Variants in PPP2R5D observed in about 807,000 individuals in gnomAD.
The protein encoded by PPP2R5D is serine/threonine-protein phosphatase 2A 56 kDa regulatory subunit delta isoform.
A neutral mutation model predicts 79.1 loss-of-function variants in PPP2R5D; 12 were observed. The ratio of observed to expected loss-of-function variants is 0.15; its 90% CI spans 0.10 to 0.25. The LOEUF (loss-of-function observed/expected upper bound fraction) is 0.25. Ranked by LOEUF, PPP2R5D falls within the 10% of genes least tolerant of loss-of-function variation. The probability of loss-of-function intolerance (pLI) is 1.00; values close to 1 mark genes in which losing one functional copy is unlikely to be tolerated. For synonymous variants in PPP2R5D, 277 were observed against 286.6 expected (o/e 0.97, Z 0.34); for missense variants, 419 against 760.2 (o/e 0.55, Z 5.28).
chr6:42,998,059 T>TATATA (rs1771917349), intron 2 of PPP2R5D, among the ~76,000 whole-genome samples: 1 of 15,654 alleles, frequency 6.4e-5, no homozygotes, highest in Admixed American at 9.4e-4. Context: ...ATATATATAT[T>TATATA]TTTTTTTTTT....
At position 42,998,015 on chromosome 6, in the gene PPP2R5D, TTATATATATATATATATATATATATA is replaced by T. The variant is rs1561843629; in HGVS notation, c.105+8345_105+8370del. Reference sequence around the variant, plus strand: ...TTATATTTGAATATTTGGGTTTTATTTATATATATATATATATATATATATATATATATATATATATATTTTTTTTT... The same window carrying T: ...TTATATTTGAATATTTGGGTTTTATTTATATATATATATATATTTTTTTTT... On this transcript the variant is annotated intron_variant, in intron 2 of 15. Transcript: ENST00000485511. Among the ~76,000 whole-genome samples the T allele has an allele frequency of 4.9e-3, 159 of 32,354 alleles. 4 individuals carry two copies. The highest frequency in any genetic ancestry group is 0.037 in the South Asian group (29 of 788). The allele number at this position is 32,354 out of a possible 152,430, so 21.2% of individuals were successfully genotyped here.
intron 2 of PPP2R5D, among the ~76,000 whole-genome samples, chr6:43,005,445 A>G (rs1351166618): frequency 6.6e-6 from 1 of 152,050 alleles, no homozygotes; most frequent in Non-Finnish European, 1.5e-5. Context: ...CTGGAACTGC[A>G]GGCATGTGCC....
chr6:42,990,814 A>G (rs922324862), intron 2 of PPP2R5D, among the ~76,000 whole-genome samples: 2 of 144,540 alleles, frequency 1.4e-5, no homozygotes, highest in Non-Finnish European at 3.0e-5. Context: ...GGTTCAAGCA[A>G]TTCTCCTGCC....
intron 2 of PPP2R5D, among the ~76,000 whole-genome samples, chr6:43,001,180 G>T (rs1772172107): frequency 1.3e-5 from 2 of 152,164 alleles, no homozygotes; most frequent in African/African-American, 4.8e-5. Context: ...TTGAGACAGA[G>T]TTTCACTCTT....
rs138162759 is a variant in PPP2R5D at position 43,011,208 on chromosome 6, G to A, written c.1731G>A (p.Gln577=). The change falls in exon 16 of 16, where the codon CAG becomes CAA. Residue 577 remains glutamine, a synonymous_variant. Coordinates refer to ENST00000485511, the MANE Select transcript of PPP2R5D (RefSeq NM_006245.4). ...TGCGGAGGAAGTCGGAGCTGCCCCAGGACGTGTACACCATCAAGGCACTGG... is the reference window on the plus strand; with the variant it reads ...TGCGGAGGAAGTCGGAGCTGCCCCAAGACGTGTACACCATCAAGGCACTGG... ...VLLRRKSELP[Q]DVYTIKALEA... The A allele has an allele frequency of 1.2e-6, 2 of 1,614,148 alleles. No individual in the cohort carries two copies. The highest frequency in any genetic ancestry group is 2.7e-5 in the African/African-American group (2 of 75,024).
chr6:43,004,893 G>A (rs1451178898), intron 2 of PPP2R5D, among the ~76,000 whole-genome samples: 1 of 151,530 alleles, frequency 6.6e-6, no homozygotes, highest in African/African-American at 2.4e-5. Flanking sequence ...GGGATTACAG[G>A]CACCCGCCAC....
chr6:42,984,618 C>A lies in PPP2R5D; in HGVS notation c.-60C>A, dbSNP rs1581787335. ...AGACGCCGAGCGGGCCGAGTGCGGC[C>A]GAGCAAAGCCGGAGCCGGAGCGGGG... On this transcript the variant is annotated 5_prime_UTR_variant, in exon 1 of 16. Transcript: ENST00000485511. The A allele has an allele frequency of 2.6e-6, 4 of 1,554,076 alleles. No homozygotes were observed. The African/African-American group carries it at 4.2e-5, about 16-fold the overall frequency.
Position 43,010,732 on chromosome 6 carries a change from C to T in PPP2R5D, c.1550C>T (p.Pro517Leu). 6.2e-7 allele frequency: 1 copy of T among 1,613,866 alleles called. No homozygotes were observed. The highest frequency in any genetic ancestry group is 8.5e-7 in the Non-Finnish European group (1 of 1,179,856). Residue 517 changes from proline to leucine, a missense_variant, in exon 14 of 16, where the codon CCC becomes CTC. By Grantham distance (98) the Pro-to-Leu change is moderately conservative. Coordinates refer to ENST00000485511, the MANE Select transcript of PPP2R5D (RefSeq NM_006245.4). This position sits in a 1 kb window ranked among gnomAD's most constrained non-coding sequence, Gnocchi z 4.7. ...QKIEELARLN[P>L]QYPMFRAPPP... ...ATCGAGGAGCTGGCCCGGCTTAATC[C>T]CCAGGTGAGGTTTTCCTGCCACTGT...
rs369707170 is a variant in PPP2R5D, at chr6:42,996,059, T to G, written c.105+6371T>G. Among the ~76,000 whole-genome samples the G allele has an allele frequency of 3.0e-4, 42 of 142,004 alleles. No individual in the cohort carries two copies. In the East Asian group the frequency reaches 5.3e-3, roughly 18 times the overall value. 93.2% of individuals were successfully genotyped at this position (142,004 alleles called of 152,430 possible). The stretch of plus-strand genomic sequence containing the variant: ...CGAGGTTTCACCATGTTGGCCAGGA[T>G]GGTCTCGATCACTTGACCTCGTGAT... On this transcript the variant is annotated intron_variant, in intron 2 of 15. Transcript: ENST00000485511.
chr6:42,986,867 G>T (rs1468902645), intron 1 of PPP2R5D, among the ~76,000 whole-genome samples: 1 of 151,728 alleles, frequency 6.6e-6, no homozygotes, highest in Non-Finnish European at 1.5e-5. Context: ...AAGTAACGGG[G>T]TGCATGGAGC....
chr6:43,008,162 C>T lies in PPP2R5D; in HGVS notation c.858-39C>T, dbSNP rs899422223. 1 of 1,613,480 alleles carries T rather than the reference C, an allele frequency of 6.2e-7. No individual in the cohort carries two copies. Among genetic ancestry groups the T allele is most frequent in the Middle Eastern group, 1.7e-4 (1 of 6,060 alleles). Reference sequence around the variant, plus strand: ...GGGACTGTACAGAATGCTGGAGGGACATCAGGGGTTGTCAAGAGAGCCATT... The same window carrying T: ...GGGACTGTACAGAATGCTGGAGGGATATCAGGGGTTGTCAAGAGAGCCATT... On this transcript the variant is annotated intron_variant, in intron 7 of 15. Transcript: ENST00000485511. This position sits in a 1 kb window ranked among gnomAD's most constrained non-coding sequence, Gnocchi z 4.2.
chr6:43,006,875 C>G lies in PPP2R5D; in HGVS notation c.323-36C>G. The G allele has an allele frequency of 1.9e-6, 3 of 1,611,888 alleles. No homozygotes were observed. The highest frequency in any genetic ancestry group is 1.1e-5 in the South Asian group (1 of 91,004). ...GCAAGCAGGGCATCGCAGTGAAGGA[C>G]TACAGAGGAGAACCTGACTGCTGGG... On this transcript the variant is annotated intron_variant, in intron 3 of 15. Transcript: ENST00000485511. This position sits in a 1 kb window ranked among gnomAD's most constrained non-coding sequence, Gnocchi z 4.7.
Position 43,009,513 on chromosome 6 carries a change from G to C in PPP2R5D, c.1379+64G>C, listed in dbSNP as rs1314326933. On this transcript the variant is annotated intron_variant, in intron 12 of 15. Transcript: ENST00000485511. The surrounding 1 kb of genome is among the most constrained non-coding windows in gnomAD (Gnocchi z 5.6). The stretch of plus-strand genomic sequence containing the variant: ...TTTGGGAAACTTTGAGGGTATGGAA[G>C]AACTAAAGAGCCAGGGGTCTCACCT... 1 of 1,603,294 alleles carries C rather than the reference G, an allele frequency of 6.2e-7. No individual in the cohort carries two copies. The highest frequency in any genetic ancestry group is 1.1e-5 in the South Asian group (1 of 90,636).
At chr6:43,003,596 G>T (rs983951475) in intron 2 of PPP2R5D, among the ~76,000 whole-genome samples, 1 of 152,112 alleles carries the variant, frequency 6.6e-6, no homozygotes, top group African/African-American at 2.4e-5. Context: ...ACAGGAGATA[G>T]TCATTAACAC....
At chr6:42,994,286 G>C (rs1384264950) in intron 2 of PPP2R5D, among the ~76,000 whole-genome samples, 1 of 152,164 alleles carries the variant, frequency 6.6e-6, no homozygotes, top group Non-Finnish European at 1.5e-5. Flanking sequence ...CAAGACTCTT[G>C]TCTCAAAAGG....
rs775817119 is a variant in PPP2R5D at position 43,009,016 on chromosome 6, G to T, written c.1081-41G>T. The T allele has an allele frequency of 6.2e-7, 1 of 1,600,402 alleles. No individual in the cohort carries two copies. Among genetic ancestry groups the T allele is most frequent in the South Asian group, 1.1e-5 (1 of 89,334 alleles). On this transcript the variant is annotated intron_variant, in intron 10 of 15. Coordinates refer to ENST00000485511, the MANE Select transcript of PPP2R5D (RefSeq NM_006245.4). The surrounding 1 kb of genome is among the most constrained non-coding windows in gnomAD (Gnocchi z 5.6). The stretch of plus-strand genomic sequence containing the variant: ...GAAAACTTCCTGGTGACCTAGGCAG[G>T]TGCAAAGAATTTTCATCCCCATGCC...
At chr6:42,995,987 GAGTAGCT>G (rs1771643929) in intron 2 of PPP2R5D, among the ~76,000 whole-genome samples, 1 of 142,998 alleles carries the variant, frequency 7.0e-6, no homozygotes, top group Non-Finnish European at 1.5e-5. Context: ...TCAGCCTCCC[GAGTAGCT>G]GGGACTTTCT....
Position 43,011,163 on chromosome 6 carries a change from C to G in PPP2R5D, c.1686C>G (p.Ile562Met), listed in dbSNP as rs1383973767. 6 of 1,614,020 alleles carry G rather than the reference C, an allele frequency of 3.7e-6. No homozygotes were observed. The highest frequency in any genetic ancestry group is 5.1e-6 in the Non-Finnish European group (6 of 1,180,016). Reference protein sequence around the residue: ...ETEAVQMLKDIKKEKVLLRRK... With the variant: ...ETEAVQMLKDMKKEKVLLRRK... ...TTCACACACAGATGCTAAAAGACAT[C>G]AAGAAGGAGAAAGTGCTGCTGCGGA... Residue 562 changes from isoleucine to methionine, a missense_variant, in exon 16 of 16, where the codon ATC (isoleucine) becomes ATG (methionine). This residue lies in a region of PPP2R5D where 84 missense variants were observed against 105.4 expected (regional missense o/e 0.80). Transcript: ENST00000485511.
Position 42,988,456 on chromosome 6 carries a change from A to G in PPP2R5D, c.28-1155A>G, listed in dbSNP as rs191267012. The stretch of plus-strand genomic sequence containing the variant: ...TGTTTGGAGCTTCAGGTGGCTTGCA[A>G]CTTCAGCCCATTGCTCTCGTGCCTC... On this transcript the variant is annotated intron_variant, in intron 1 of 15. Transcript: ENST00000485511. Among the ~76,000 whole-genome samples, 9 of 152,324 alleles carry G rather than the reference A, an allele frequency of 5.9e-5. No homozygotes were observed. The East Asian group carries it at 1.2e-3, about 20-fold the overall frequency.
Sources: gnomAD v4.1 joint callset for allele counts (sites outside exome capture counted in the v4.1 genomes callset) on GRCh38, gnomAD v4.1.1 for gene constraint, gnomAD v4.1.1 regional missense constraint, Gnocchi (gnomAD v3.1) non-coding constraint, MANE v1.5 for transcripts, NCBI Gene and HGNC (gene_info 2026-07-23, HGNC 2026-07-21) for gene names.